ASB7: variants seen among roughly 807,000 people sequenced by gnomAD.
ASB7 encodes the protein ankyrin repeat and SOCS box containing 7.
In ASB7, 4 loss-of-function variants were observed where a neutral mutation model predicts 32.5. That is an observed-to-expected ratio of 0.12 (90% CI 0.06 to 0.28). The LOEUF is 0.28. ASB7 is among the 10% of genes least tolerant of loss of function. The pLI is 1.00. For missense variants in ASB7, 181 were observed against 407.1 expected (o/e 0.44, Z 4.78); for synonymous variants, 172 against 155.6 (o/e 1.11, Z -0.78).
chr15:100,630,093 C>A (rs1265716866), intron 5 of ASB7, 51 bp downstream of exon 5: 51 of 1,471,932 alleles, frequency 3.5e-5, no homozygotes, highest in Non-Finnish European at 4.5e-5. Context: ...TTTGCATCTT[C>A]TGAGGAGCTT....
chr15:100,650,947 A>G lies in ASB7; in HGVS notation c.*2485A>G, dbSNP rs2040027959. On this transcript the variant is annotated 3_prime_UTR_variant, in exon 6 of 6. Coordinates refer to ENST00000332783, the MANE Select transcript of ASB7 (RefSeq NM_198243.3). ...TCACAGAGAAGCATTCCATGGTCAC[A>G]TAATGAATAGGGAGAACAGATATTT... 6.6e-6 allele frequency: 1 copy of G among 152,284 alleles called. No homozygotes were observed. The highest frequency in any genetic ancestry group is 2.4e-5 in the African/African-American group (1 of 41,482). 9.4% of individuals were successfully genotyped at this position (152,284 alleles called of 1,614,324 possible). A position where few individuals can be genotyped will look rare whatever the true frequency, so the allele number is the denominator to read the frequency against.
At chr15:100,606,748 T>C (rs1440857006) in intron 2 of ASB7, among the ~76,000 whole-genome samples, 1 of 151,564 alleles carries the variant, frequency 6.6e-6, no homozygotes. Context: ...GTTTGTTTGC[T>C]TTTTTTTTCC....
At chr15:100,603,575 G>A (rs753110286) in intron 2 of ASB7, among the ~76,000 whole-genome samples, 1 of 152,084 alleles carries the variant, frequency 6.6e-6, no homozygotes, top group Non-Finnish European at 1.5e-5. Flanking sequence ...GGTACACTGT[G>A]CCATTTACTC....
In ASB7 at chr15:100,630,059, T is replaced by C. The variant is rs763628696; in HGVS notation, c.817+17T>C. Reference sequence around the variant, plus strand: ...AAGTCACAAGTATGTAATATAATTATTACTTTATTGCATTTTTTAAAAATT... The same window carrying C: ...AAGTCACAAGTATGTAATATAATTACTACTTTATTGCATTTTTTAAAAATT... On this transcript the variant is annotated intron_variant, in intron 5 of 5. Transcript: ENST00000332783. 43 of 1,540,678 alleles carry C rather than the reference T, an allele frequency of 2.8e-5. No homozygotes were observed. The highest frequency in any genetic ancestry group is 3.8e-5 in the Non-Finnish European group (43 of 1,145,632).
Position 100,629,372 on chromosome 15 carries a change from C to G in ASB7, c.212-65C>G. 2 of 1,392,028 alleles carry G rather than the reference C, an allele frequency of 1.4e-6. No homozygotes were observed. The highest frequency in any genetic ancestry group is 2.0e-6 in the Non-Finnish European group (2 of 1,007,532). 86.2% of individuals were successfully genotyped at this position (1,392,028 alleles called of 1,614,324 possible). On this transcript the variant is annotated intron_variant, in intron 4 of 5. Transcript: ENST00000332783. This position sits in a 1 kb window ranked among gnomAD's most constrained non-coding sequence, Gnocchi z 6.8. Reference sequence around the variant, plus strand: ...TGAGAATTGGCCACAGTTTGCTGTGCCATGGTAATGTTTGTTGTTTTGTCT... The same window carrying G: ...TGAGAATTGGCCACAGTTTGCTGTGGCATGGTAATGTTTGTTGTTTTGTCT...
At chr15:100,639,867 T>C (rs757405156) in intron 5 of ASB7, among the ~76,000 whole-genome samples, 12 of 152,220 alleles carry the variant, frequency 7.9e-5, no homozygotes, top group Non-Finnish European at 1.5e-4. Flanking sequence ...CATCTAGAGA[T>C]TTTTTGTCAT....
intron 5 of ASB7, among the ~76,000 whole-genome samples, chr15:100,640,891 G>T (rs938416740): frequency 3.3e-5 from 5 of 152,212 alleles, no homozygotes; most frequent in African/African-American, 1.2e-4. Flanking sequence ...TATTACTAAT[G>T]ATGGGCTTCT....
intron 2 of ASB7, among the ~76,000 whole-genome samples, chr15:100,606,868 C>T (rs1467945826): frequency 6.6e-6 from 1 of 152,002 alleles, no homozygotes; most frequent in East Asian, 1.9e-4. Flanking sequence ...ACAAAATTAC[C>T]TCCTGGCCGG....
At chr15:100,619,430 G>A (rs1052235116) in intron 4 of ASB7, among the ~76,000 whole-genome samples, 3 of 152,212 alleles carry the variant, frequency 2.0e-5, no homozygotes, top group African/African-American at 7.2e-5. Flanking sequence ...TCAGAAGGGC[G>A]TAAGCCCTAA....
intron 2 of ASB7, among the ~76,000 whole-genome samples, chr15:100,606,192 G>GT (rs149022631): frequency 0.33 from 49,078 of 149,420 alleles, 8,560 homozygotes; most frequent in East Asian, 0.63. Flanking sequence ...TTGAAGGATT[G>GT]TTTTTTTTTT....
At chr15:100,614,395 C>G (rs1033108228) in intron 4 of ASB7, among the ~76,000 whole-genome samples, 1 of 151,880 alleles carries the variant, frequency 6.6e-6, no homozygotes, top group Non-Finnish European at 1.5e-5. Context: ...TTTTATACAA[C>G]TGTGTGACTT....
intron 2 of ASB7, among the ~76,000 whole-genome samples, chr15:100,606,109 G>A (rs1235668481): frequency 6.6e-6 from 1 of 152,076 alleles, no homozygotes; most frequent in African/African-American, 2.4e-5. Context: ...TCTCAGCCAT[G>A]TTCTCCGTTT....
chr15:100,630,726 G>A (rs76626427), intron 5 of ASB7, among the ~76,000 whole-genome samples: 3,254 of 152,124 alleles, frequency 0.021, 135 homozygotes, highest in African/African-American at 0.075. Context: ...GTAGTAACGC[G>A]TGCGTCCTAG....
intron 4 of ASB7, among the ~76,000 whole-genome samples, chr15:100,620,415 G>T (rs560161910): frequency 4.8e-4 from 73 of 152,230 alleles, no homozygotes; most frequent in Non-Finnish European, 9.0e-4. Flanking sequence ...GTGCATACAA[G>T]TGGTACTTTG....
rs185756556 is a variant in ASB7, at chr15:100,651,450, G to C, written c.*2988G>C. 9 of 152,230 alleles carry C rather than the reference G, an allele frequency of 5.9e-5. No individual in the cohort carries two copies. The highest frequency in any genetic ancestry group is 2.2e-4 in the African/African-American group (9 of 41,536). 9.4% of individuals were successfully genotyped at this position (152,230 alleles called of 1,614,324 possible). A position where few individuals can be genotyped will look rare whatever the true frequency, so the allele number is the denominator to read the frequency against. On this transcript the variant is annotated 3_prime_UTR_variant, in exon 6 of 6. Transcript: ENST00000332783. ...AGCATGAGGGACTCTAGCATGACTC[G>C]TCAGATGCACACCCCAAGAGACAAG...
chr15:100,631,714 C>T (rs1567116384), intron 5 of ASB7, among the ~76,000 whole-genome samples: 1 of 152,146 alleles, frequency 6.6e-6, no homozygotes, highest in African/African-American at 2.4e-5. Context: ...GGGCAGGTCG[C>T]CTAATCTCTC....
Position 100,629,942 on chromosome 15 carries a change from C to G in ASB7, c.717C>G (p.Asp239Glu). Residue 239 changes from aspartate to glutamate, a missense_variant, in exon 5 of 6, where the codon GAC becomes GAG. Physicochemically the swap from Asp to Glu is conservative, Grantham distance 45. Transcript: ENST00000332783. This position sits in a 1 kb window ranked among gnomAD's most constrained non-coding sequence, Gnocchi z 6.8. Reference sequence around the variant, plus strand: ...GGATGTTATATAATTACGGAGCAGACACGAACACACGGAACTATGAAGGAC... The same window carrying G: ...GGATGTTATATAATTACGGAGCAGAGACGAACACACGGAACTATGAAGGAC... ...CARMLYNYGA[D>E]TNTRNYEGQT... 3 of 1,614,148 alleles carry G rather than the reference C, an allele frequency of 1.9e-6. No homozygotes were observed. The highest frequency in any genetic ancestry group is 2.5e-6 in the Non-Finnish European group (3 of 1,180,038).
chr15:100,629,582 T>C lies in ASB7; in HGVS notation c.357T>C (p.Thr119=), dbSNP rs1364004754. 6.2e-7 allele frequency: 1 copy of C among 1,614,098 alleles called. No homozygotes were observed. The highest frequency in any genetic ancestry group is 8.5e-7 in the Non-Finnish European group (1 of 1,180,042). ...ATGCAAAAAGCAATGACGGCTGGAC[T>C]CCCCTCCATGTGGCTGCCCACTACG... ...IINAKSNDGW[T]PLHVAAHYGR... The change falls in exon 5 of 6, where the codon ACT becomes ACC. Residue 119 remains threonine, a synonymous_variant. Transcript: ENST00000332783. The surrounding 1 kb of genome is among the most constrained non-coding windows in gnomAD (Gnocchi z 6.8).
At chr15:100,626,125 G>A (rs1215138450) in intron 4 of ASB7, among the ~76,000 whole-genome samples, 1 of 152,124 alleles carries the variant, frequency 6.6e-6, no homozygotes, top group African/African-American at 2.4e-5. Context: ...ACTACAAACT[G>A]TAAAATAAAT....
Sources: gnomAD v4.1 joint callset for allele counts (sites outside exome capture counted in the v4.1 genomes callset) on GRCh38, gnomAD v4.1.1 for gene constraint, Gnocchi (gnomAD v3.1) non-coding constraint, MANE v1.5 for transcripts, NCBI Gene and HGNC (gene_info 2026-07-23, HGNC 2026-07-21) for gene names.